Variants in EXOC6B observed in about 807,000 individuals in gnomAD.
The protein encoded by EXOC6B is exocyst complex component 6B.
Under a neutral mutation model 113.5 loss-of-function variants are expected in EXOC6B, and 54 were observed. The observed-to-expected ratio is 0.48, with a 90% CI of 0.38 to 0.60. The LOEUF (loss-of-function observed/expected upper bound fraction) is 0.60. Ranked by LOEUF, EXOC6B falls within the 20% of genes least tolerant of loss-of-function variation. The pLI, the probability that EXOC6B is intolerant of heterozygous loss-of-function variation, is 0.00. For missense variants in EXOC6B, 797 were observed against 977.5 expected, an observed-to-expected ratio of 0.82 and a Z score of 2.46; for synonymous variants, 357 against 339.0, an observed-to-expected ratio of 1.05 and a Z score of -0.58.
intron 18 of EXOC6B, among the ~76,000 whole-genome samples, chr2:72,397,630 T>A (rs796519935): frequency 0.014 from 1,405 of 102,368 alleles, 24 homozygotes; most frequent in African/African-American, 0.059. Context: ...AAAAAAAAAA[T>A]AAAATAAAAT....
chr2:72,521,949 GC>G (rs1287420626), intron 8 of EXOC6B, among the ~76,000 whole-genome samples: 7 of 152,092 alleles, frequency 4.6e-5, no homozygotes. Flanking sequence ...ACCTGCCTTG[GC>G]CTCCCAAAGT....
At chr2:72,273,084 C>A (rs1199716989) in intron 20 of EXOC6B, among the ~76,000 whole-genome samples, 4 of 152,126 alleles carry the variant, frequency 2.6e-5, no homozygotes, top group Non-Finnish European at 4.4e-5. Flanking sequence ...ATAATCACTT[C>A]CACTCAAACT....
chr2:72,417,858 T>C (rs1414567746), intron 18 of EXOC6B, among the ~76,000 whole-genome samples: 6 of 152,182 alleles, frequency 3.9e-5, no homozygotes. Flanking sequence ...GCCTGTAGTA[T>C]CTTGTCACAC....
At chr2:72,722,017 A>C (rs1031819983) in intron 5 of EXOC6B, 2 of 151,898 alleles carry the variant, frequency 1.3e-5, no homozygotes, top group Non-Finnish European at 2.9e-5. Context: ...AAAAAAAAAA[A>C]AAAGATCTTA....
chr2:72,302,648 T>C (rs112186943), intron 20 of EXOC6B, among the ~76,000 whole-genome samples: 2 of 152,152 alleles, frequency 1.3e-5, no homozygotes, highest in Non-Finnish European at 2.9e-5. Flanking sequence ...AGGATTGCGG[T>C]GCCTGTTTTT....
At chr2:72,427,592 C>G (rs902543038) in intron 18 of EXOC6B, among the ~76,000 whole-genome samples, 1 of 152,218 alleles carries the variant, frequency 6.6e-6, no homozygotes, top group African/African-American at 2.4e-5. Flanking sequence ...TGAACACCAA[C>G]AAGCATTGTG....
At chr2:72,634,022 G>C (rs1672661218) in intron 6 of EXOC6B, among the ~76,000 whole-genome samples, 1 of 151,766 alleles carries the variant, frequency 6.6e-6, no homozygotes, top group African/African-American at 2.4e-5. Flanking sequence ...AAATAAAAAC[G>C]ATCCAGATGG....
At chr2:72,368,447 T>TGGTACCA (rs202234714) in intron 19 of EXOC6B, among the ~76,000 whole-genome samples, 5,290 of 152,196 alleles carry the variant, frequency 0.035, 311 homozygotes, top group African/African-American at 0.12. Flanking sequence ...AAGGAGGAGC[T>TGGTACCA]GGTACCATTC....
chr2:72,753,851 G>T (rs1300237467), intron 1 of EXOC6B, among the ~76,000 whole-genome samples: 5 of 152,134 alleles, frequency 3.3e-5, no homozygotes, highest in Non-Finnish European at 7.4e-5. Flanking sequence ...TCAAGGTTCA[G>T]CTCAAAACTC....
chr2:72,429,102 A>T, intron 18 of EXOC6B, among the ~76,000 whole-genome samples: 1 of 152,198 alleles, frequency 6.6e-6, no homozygotes, highest in East Asian at 1.9e-4. Flanking sequence ...CTTTCATTTG[A>T]TCCTATGACC....
At chr2:72,184,626 T>C (rs1187930130) in intron 20 of EXOC6B, among the ~76,000 whole-genome samples, 2 of 152,230 alleles carry the variant, frequency 1.3e-5, no homozygotes, top group Non-Finnish European at 2.9e-5. Flanking sequence ...TATACAATTG[T>C]TTGAACTTCA....
intron 16 of EXOC6B, among the ~76,000 whole-genome samples, chr2:72,487,827 A>G (rs2105521992): frequency 1.3e-5 from 2 of 152,344 alleles, no homozygotes; most frequent in South Asian, 4.1e-4. Flanking sequence ...CATACTATCA[A>G]CATAACATCA....
intron 20 of EXOC6B, among the ~76,000 whole-genome samples, chr2:72,287,592 A>C (rs1440293562): frequency 1.3e-5 from 2 of 152,012 alleles, no homozygotes; most frequent in African/African-American, 4.8e-5. Context: ...ACAAATAACC[A>C]ATAGTAGGAA....
At chr2:72,642,963 C>G (rs1350483027) in intron 6 of EXOC6B, among the ~76,000 whole-genome samples, 1 of 151,006 alleles carries the variant, frequency 6.6e-6, no homozygotes, top group African/African-American at 2.4e-5. Flanking sequence ...AGGACATGAA[C>G]AGACACTTCT....
chr2:72,767,575 G>T (rs1201954754), intron 1 of EXOC6B, among the ~76,000 whole-genome samples: 4 of 151,206 alleles, frequency 2.6e-5, no homozygotes, highest in African/African-American at 9.7e-5. Flanking sequence ...TTTGGGAGGC[G>T]AGGCCGGCGG....
chr2:72,733,180 A>G (rs1680747984), intron 2 of EXOC6B, 62 bp from the exon 3 acceptor site: 5 of 1,201,026 alleles, frequency 4.2e-6, no homozygotes, highest in Middle Eastern at 1.9e-4. Context: ...GTTGAAAAAG[A>G]TCTAAATTTA....
chr2:72,367,083 G>T (rs1375532795), intron 19 of EXOC6B, among the ~76,000 whole-genome samples: 1 of 152,082 alleles, frequency 6.6e-6, no homozygotes, highest in Non-Finnish European at 1.5e-5. Context: ...CAAAGATGCA[G>T]TAATAATGTA....
At chr2:72,472,271 G>C (rs1039135524) in intron 17 of EXOC6B, among the ~76,000 whole-genome samples, 1 of 152,072 alleles carries the variant, frequency 6.6e-6, no homozygotes, top group Non-Finnish European at 1.5e-5. Flanking sequence ...TTTTGGAACA[G>C]TTTCAGGATT....
At chr2:72,559,132 C>A (rs769177116) in intron 8 of EXOC6B, among the ~76,000 whole-genome samples, 6 of 152,188 alleles carry the variant, frequency 3.9e-5, no homozygotes, top group Non-Finnish European at 8.8e-5. Context: ...AACATTTTCA[C>A]AAATACTATT....
Sources: gnomAD v4.1 joint callset for allele counts (sites outside exome capture counted in the v4.1 genomes callset) on GRCh38, gnomAD v4.1.1 for gene constraint, MANE v1.5 for transcripts, NCBI Gene and HGNC (gene_info 2026-07-23, HGNC 2026-07-21) for gene names.